The following MMAB variants were observed in gnomAD, a reference collection of about 807,000 sequenced individuals.
MMAB encodes the protein metabolism of cobalamin associated B.
Under a neutral mutation model 30.6 loss-of-function variants are expected in MMAB, and 17 were observed. The ratio of observed to expected loss-of-function variants is 0.56; its 90% confidence interval spans 0.38 to 0.83. The LOEUF (loss-of-function observed/expected upper bound fraction) is 0.83, where lower values mean the gene tolerates loss of function less well. Ranked by LOEUF, MMAB falls within the 40% of genes least tolerant of loss-of-function variation. The pLI is 0.00. For missense variants in MMAB, 311 were observed against 331.6 expected, an observed-to-expected ratio of 0.94 and a Z score of 0.48; for synonymous variants, 134 against 138.6, an observed-to-expected ratio of 0.97 and a Z score of 0.23.
At position 109,573,290 on chromosome 12, in the gene MMAB, C is replaced by G. The variant is rs781334133; in HGVS notation, c.134+57G>C. ...TCACGGCGGTGTGACGTACCCATGG[C>G]GACGACACCACGATTCACGGCAGGT... On this transcript the variant is annotated intron_variant, in intron 1 of 8. Coordinates refer to ENST00000545712, the MANE Select transcript of MMAB (RefSeq NM_052845.4). The G allele has an allele frequency of 1.1e-5, 18 of 1,608,014 alleles. No individual in the cohort carries two copies. In the South Asian group the frequency reaches 1.8e-4, roughly 16 times the overall value.
chr12:109,555,800 G>C lies in MMAB; in HGVS notation c.*1228C>G, dbSNP rs896632560. 4.4e-6 allele frequency: 2 copies of C among 454,050 alleles called. No individual in the cohort carries two copies. The highest frequency in any genetic ancestry group is 6.9e-5 in the East Asian group (1 of 14,394). 28.1% of individuals were successfully genotyped at this position (454,050 alleles called of 1,614,324 possible). On this transcript the variant is annotated 3_prime_UTR_variant, in exon 9 of 9. Transcript: ENST00000545712. ...GCCCTCCTGCAAACTTTGCAGGCCAGGTGGTAAGAATGAAGGCAAAAATAT... is the reference window on the plus strand; with the variant it reads ...GCCCTCCTGCAAACTTTGCAGGCCACGTGGTAAGAATGAAGGCAAAAATAT...
intron 8 of MMAB, among the ~76,000 whole-genome samples, chr12:109,557,828 G>C (rs905419392): frequency 6.6e-6 from 1 of 152,192 alleles, no homozygotes; most frequent in African/African-American, 2.4e-5. Context: ...CTAGAGACCA[G>C]AGCCCAGCCC....
intron 8 of MMAB, among the ~76,000 whole-genome samples, chr12:109,557,907 A>C (rs1215560860): frequency 1.3e-5 from 2 of 152,240 alleles, no homozygotes; most frequent in Non-Finnish European, 2.9e-5. Context: ...CAGGGGCAGC[A>C]GTGGAGGGAA....
At chr12:109,567,560 G>A (rs576621940) in intron 3 of MMAB, among the ~76,000 whole-genome samples, 1 of 151,922 alleles carries the variant, frequency 6.6e-6, no homozygotes, top group Non-Finnish European at 1.5e-5. Flanking sequence ...CTCCTACCCC[G>A]CTGATGTCAG....
intron 4 of MMAB, chr12:109,564,688 G>C: frequency 3.8e-6 from 1 of 264,192 alleles, no homozygotes; most frequent in Non-Finnish European, 7.4e-6. Flanking sequence ...GAACCATGGT[G>C]CTCGGCCTGA....
chr12:109,568,561 C>T (rs552591735), intron 3 of MMAB: 3 of 633,710 alleles, frequency 4.7e-6, no homozygotes, highest in Non-Finnish European at 8.5e-6. Context: ...CAGAGGCCAG[C>T]GCAGGCACAG....
chr12:109,568,693 C>T (rs1045562976), intron 3 of MMAB, 77 bp downstream of exon 3: 20 of 1,133,506 alleles, frequency 1.8e-5, no homozygotes, highest in South Asian at 6.1e-5. Flanking sequence ...GCCCAGCATG[C>T]GTGAGAGCTT....
intron 2 of MMAB, among the ~76,000 whole-genome samples, 161 bp downstream of exon 2, chr12:109,571,488 A>G (rs1463841052): frequency 6.6e-6 from 1 of 152,132 alleles, no homozygotes; most frequent in East Asian, 1.9e-4. Flanking sequence ...CTGGCCTCAG[A>G]TGATTAGCCC....
At chr12:109,563,390 A>G (rs736344) in intron 4 of MMAB, among the ~76,000 whole-genome samples, 86,297 of 152,088 alleles carry the variant, frequency 0.57, 25,502 homozygotes, top group African/African-American at 0.72. Context: ...GATATGAGGA[A>G]AGCAGTGGCA....
chr12:109,565,216 T>C (rs1051299376), intron 3 of MMAB, 40 bp from the exon 4 acceptor site: 1 of 1,483,780 alleles, frequency 6.7e-7, no homozygotes, highest in Non-Finnish European at 9.4e-7. Flanking sequence ...TGTAATGTAA[T>C]GTCCCTAGGC....
intron 3 of MMAB, chr12:109,567,238 A>C (rs1884466564): frequency 2.8e-6 from 1 of 355,990 alleles, no homozygotes; most frequent in Non-Finnish European, 5.5e-6. Context: ...CACTGTCCTC[A>C]GGGTGAAACA....
At chr12:109,562,104 G>T (rs117759683) in intron 4 of MMAB, among the ~76,000 whole-genome samples, 25 of 152,286 alleles carry the variant, frequency 1.6e-4, no homozygotes, top group Non-Finnish European at 2.8e-4. Context: ...CAGCCCCCTA[G>T]TGCTGTCTTG....
In MMAB at chr12:109,558,948, C is replaced by T. The variant is rs563628046; in HGVS notation, c.644+148G>A. The T allele has an allele frequency of 1.4e-6, 1 of 693,616 alleles. No individual in the cohort carries two copies. The highest frequency in any genetic ancestry group is 2.0e-5 in the Admixed American group (1 of 49,174). 43.0% of individuals were successfully genotyped at this position (693,616 alleles called of 1,614,324 possible). ...CCTGTGCCCGGCGTGGTGCCTGGCA[C>T]AGAGCAGATGTTCATAAACACTAAG... is the stretch of plus-strand genomic sequence containing the variant. On this transcript the variant is annotated intron_variant, in intron 8 of 8. Coordinates refer to ENST00000545712, the MANE Select transcript of MMAB (RefSeq NM_052845.4). This position sits in a 1 kb window ranked among gnomAD's most constrained non-coding sequence, Gnocchi z 4.3.
rs1884089144 is a variant in MMAB, at chr12:109,558,983, G to A, written c.644+113C>T. ...GTTCATAAACACTAAGGGAATGAAG[G>A]AGGGGGTGCGGGAATGCTGCCCCAC... On this transcript the variant is annotated intron_variant, in intron 8 of 8. Coordinates refer to ENST00000545712, the MANE Select transcript of MMAB (RefSeq NM_052845.4). This position sits in a 1 kb window ranked among gnomAD's most constrained non-coding sequence, Gnocchi z 4.3. The A allele has an allele frequency of 1.3e-6, 1 of 779,006 alleles. No homozygotes were observed. The highest frequency in any genetic ancestry group is 2.6e-5 in the East Asian group (1 of 38,960). 48.3% of individuals were successfully genotyped at this position (779,006 alleles called of 1,614,324 possible).
chr12:109,565,045 G>C, intron 4 of MMAB, 74 bp downstream of exon 4: 2 of 1,109,662 alleles, frequency 1.8e-6, no homozygotes. Flanking sequence ...AGAGTAACTG[G>C]TGGCTGGATG....
At position 109,553,795 on chromosome 12, in the gene MMAB, T is replaced by A. The variant is rs1327816759; in HGVS notation, c.*3233A>T. 3 of 450,516 alleles carry A rather than the reference T, an allele frequency of 6.7e-6. No individual in the cohort carries two copies. The Admixed American group carries it at 7.1e-5, about 11-fold the overall frequency. The allele number at this position is 450,516 out of a possible 1,614,324, so 27.9% of individuals were successfully genotyped here. A position where few individuals can be genotyped will look rare whatever the true frequency, so the allele number is the denominator to read the frequency against. ...TGAAATGCATCTGGATTCTTAAAGG[T>A]TCAGTAGTGATCACTGGGACAGGGC... On this transcript the variant is annotated 3_prime_UTR_variant, in exon 9 of 9. Transcript: ENST00000545712.
chr12:109,572,411 ATTTTTTTTTTT>A (rs34992643), intron 1 of MMAB, among the ~76,000 whole-genome samples: 7,932 of 119,056 alleles, frequency 0.067, 305 homozygotes, highest in Middle Eastern at 0.11. Flanking sequence ...CACCCAGCTA[ATTTTTTTTTTT>A]TTTTTTTTTT....
rs1332548278 is a variant in MMAB, at chr12:109,556,897, G to C, written c.*131C>G. 2 of 703,550 alleles carry C rather than the reference G, an allele frequency of 2.8e-6. No individual in the cohort carries two copies. The highest frequency in any genetic ancestry group is 2.0e-5 in the Admixed American group (1 of 49,692). The allele number at this position is 703,550 out of a possible 1,614,324, so 43.6% of individuals were successfully genotyped here. ...GTGGCAAGAGGTGTAGATCAAAGCT[G>C]AGCTGGGACAAAAGGCTGCTTTGAG... On this transcript the variant is annotated 3_prime_UTR_variant, in exon 9 of 9. Transcript: ENST00000545712.
chr12:109,557,815 A>C (rs553690315), intron 8 of MMAB, among the ~76,000 whole-genome samples: 1 of 152,226 alleles, frequency 6.6e-6, no homozygotes, highest in East Asian at 1.9e-4. Context: ...AGGCTGGAGC[A>C]CTCTAGAGAC....
Sources: gnomAD v4.1 joint callset for allele counts (sites outside exome capture counted in the v4.1 genomes callset) on GRCh38, gnomAD v4.1.1 for gene constraint, Gnocchi (gnomAD v3.1) non-coding constraint, MANE v1.5 for transcripts, NCBI Gene and HGNC (gene_info 2026-07-23, HGNC 2026-07-21) for gene names.